Variants in GAP43 observed in about 807,000 individuals in gnomAD.
The protein encoded by GAP43 is neuromodulin.
Under a neutral mutation model 18.6 loss-of-function variants are expected in GAP43, and 6 were observed. The observed-to-expected ratio is 0.32, with a 90% CI of 0.18 to 0.64. The LOEUF (loss-of-function observed/expected upper bound fraction) is 0.64, where lower values mean the gene tolerates loss of function less well. GAP43 is among the 30% of genes least tolerant of loss of function. GAP43 has a pLI of 0.78. For synonymous variants in GAP43, 115 were observed against 111.4 expected, an observed-to-expected ratio of 1.03 and a Z score of -0.20; for missense variants, 292 against 295.5, an observed-to-expected ratio of 0.99 and a Z score of 0.09.
intron 2 of GAP43, among the ~76,000 whole-genome samples, chr3:115,703,185 CA>C (rs1285412574): frequency 6.6e-6 from 1 of 152,006 alleles, no homozygotes; most frequent in Non-Finnish European, 1.5e-5. Context: ...TTATTAAAAA[CA>C]GTAAAGCTAA....
chr3:115,691,832 A>C (rs1709119028), intron 2 of GAP43, among the ~76,000 whole-genome samples: 1 of 152,226 alleles, frequency 6.6e-6, no homozygotes, highest in Non-Finnish European at 1.5e-5. Flanking sequence ...TTTGGGCTTC[A>C]TGTAATTTGT....
chr3:115,662,085 G>A (rs900038234), intron 1 of GAP43, among the ~76,000 whole-genome samples: 6 of 152,230 alleles, frequency 3.9e-5, no homozygotes, highest in African/African-American at 1.2e-4. Flanking sequence ...CAGAGTGGAA[G>A]ACAGACTAAG....
chr3:115,694,264 A>C (rs553371773), intron 2 of GAP43, among the ~76,000 whole-genome samples: 26 of 152,318 alleles, frequency 1.7e-4, no homozygotes, highest in African/African-American at 6.3e-4. Flanking sequence ...ATCCTTATGA[A>C]TATATCACAA....
At chr3:115,708,940 G>GTTTTTTTTTTTTT (rs3086974) in intron 2 of GAP43, among the ~76,000 whole-genome samples, 20 of 99,766 alleles carry the variant, frequency 2.0e-4, no homozygotes, top group South Asian at 3.7e-4. Flanking sequence ...AACTGGCTGG[G>GTTTTTTTTTTTTT]TTTTTTTTTT....
chr3:115,698,247 A>ATTAT (rs1491268636), intron 2 of GAP43, among the ~76,000 whole-genome samples: 6 of 14,448 alleles, frequency 4.2e-4, no homozygotes, highest in East Asian at 8.8e-3. Flanking sequence ...AAATATATAT[A>ATTAT]ATATATAATA....
chr3:115,680,226 G>A (rs944058186), intron 2 of GAP43, among the ~76,000 whole-genome samples: 9 of 152,086 alleles, frequency 5.9e-5, no homozygotes, highest in South Asian at 2.1e-4. Flanking sequence ...TTGGGAGACC[G>A]AGGCAGGAGG....
chr3:115,698,140 AATATATATTAT>A, intron 2 of GAP43, among the ~76,000 whole-genome samples: 1 of 40,744 alleles, frequency 2.5e-5, no homozygotes, highest in African/African-American at 1.2e-4. Context: ...TAATATATAT[AATATATATTAT>A]ATATAATATA....
intron 1 of GAP43, among the ~76,000 whole-genome samples, chr3:115,669,995 T>TA (rs1491269593): frequency 8.8e-6 from 1 of 113,742 alleles, no homozygotes; most frequent in Non-Finnish European, 1.8e-5. Context: ...ATTTTTTTTT[T>TA]AATTTTTTTT....
rs1708440002 is a variant in GAP43, at chr3:115,644,939, CATCTA to C, written c.30+21222_30+21226del. Among the ~76,000 whole-genome samples, 1 of 152,012 alleles carries C rather than the reference CATCTA, an allele frequency of 6.6e-6. No individual in the cohort carries two copies. On this transcript the variant is annotated intron_variant, in intron 1 of 2. Transcript: ENST00000305124. This position sits in a 1 kb window ranked among gnomAD's most constrained non-coding sequence, Gnocchi z 4.2. Reference sequence around the variant, plus strand: ...AAGGTAACTTCAGCATGTCTGAATCCATCTAACAGTCTTGTTGAGGCAGGGAGCCT... The same window carrying C: ...AAGGTAACTTCAGCATGTCTGAATCCACAGTCTTGTTGAGGCAGGGAGCCT...
In GAP43 at chr3:115,623,678, G is replaced by A. The variant is rs755762588; in HGVS notation, c.-12G>A. ...GAGAGAAGGCAGGAAGAAGGCAAGG[G>A]ACGAGACAACCATGCTGTGCTGTAT... On this transcript the variant is annotated 5_prime_UTR_variant, in exon 1 of 3. Transcript: ENST00000305124. 1.2e-6 allele frequency: 2 copies of A among 1,614,126 alleles called. No homozygotes were observed. The highest frequency in any genetic ancestry group is 1.7e-6 in the Non-Finnish European group (2 of 1,179,972).
intron 1 of GAP43, among the ~76,000 whole-genome samples, chr3:115,674,541 A>G (rs934461878): frequency 6.6e-6 from 1 of 152,226 alleles, no homozygotes; most frequent in African/African-American, 2.4e-5. Context: ...TTTAGTACTA[A>G]GATGGCTCTA....
chr3:115,661,361 A>G (rs1285143641), intron 1 of GAP43: 1 of 152,244 alleles, frequency 6.6e-6, no homozygotes, highest in African/African-American at 2.4e-5. Flanking sequence ...GCAAGCTGCT[A>G]AGATATAACT....
chr3:115,662,268 T>C (rs1215212963), intron 1 of GAP43, among the ~76,000 whole-genome samples: 2 of 152,222 alleles, frequency 1.3e-5, no homozygotes. Context: ...CTACTTCTGT[T>C]ATTGCCTTGA....
chr3:115,698,292 A>ATG (rs1335625998), intron 2 of GAP43, among the ~76,000 whole-genome samples: 1 of 82,502 alleles, frequency 1.2e-5, no homozygotes, highest in African/African-American at 4.7e-5. Context: ...AATATAATAT[A>ATG]TATATTATAT....
chr3:115,703,195 A>G (rs185528848), intron 2 of GAP43, among the ~76,000 whole-genome samples: 1 of 152,266 alleles, frequency 6.6e-6, no homozygotes, highest in Admixed American at 6.6e-5. Context: ...CAGTAAAGCT[A>G]AAATTCAGTT....
chr3:115,646,298 A>T (rs1410201709), intron 1 of GAP43, among the ~76,000 whole-genome samples: 1 of 152,096 alleles, frequency 6.6e-6, no homozygotes, highest in African/African-American at 2.4e-5. Context: ...GAAACTTCCA[A>T]AGCTGTCATT....
chr3:115,712,485 A>G (rs1285405725), intron 2 of GAP43, among the ~76,000 whole-genome samples: 1 of 152,154 alleles, frequency 6.6e-6, no homozygotes, highest in Admixed American at 6.6e-5. Context: ...CAAATCCTTC[A>G]TTTCCTGAAG....
intron 2 of GAP43, among the ~76,000 whole-genome samples, chr3:115,713,272 A>G (rs1394302601): frequency 1.3e-5 from 2 of 152,212 alleles, no homozygotes; most frequent in African/African-American, 2.4e-5. Flanking sequence ...CACCCAGCTC[A>G]TTGGTGATTG....
rs554503898 is a variant in GAP43 at position 115,712,897 on chromosome 3, G to A, written c.629-7897G>A. 8.5e-5 allele frequency among the ~76,000 whole-genome samples: 13 copies of A among 152,210 alleles called. No homozygotes were observed. The East Asian group carries it at 2.5e-3, about 29-fold the overall frequency. The stretch of plus-strand genomic sequence containing the variant: ...TAGTGTATAGTGTTATTAGCAAAAA[G>A]GTTATTCTCTCTTTTAAGTGCTTGG... On this transcript the variant is annotated intron_variant, in intron 2 of 2. Coordinates refer to ENST00000305124, the MANE Select transcript of GAP43 (RefSeq NM_002045.4).
Sources: allele counts gnomAD v4.1 joint callset (sites outside exome capture counted in the v4.1 genomes callset), GRCh38; gene constraint gnomAD v4.1.1; non-coding constraint Gnocchi (gnomAD v3.1); transcripts MANE v1.5; gene names NCBI Gene and HGNC (gene_info 2026-07-23, HGNC 2026-07-21).